METTL9: variants seen among roughly 807,000 people sequenced by gnomAD.
METTL9 encodes methyltransferase 9, His-X-His N1(pi)-histidine.
A neutral mutation model predicts 36.0 loss-of-function variants in METTL9; 10 were observed. That is an observed-to-expected ratio of 0.28 (90% CI 0.17 to 0.47). METTL9 has a LOEUF of 0.47. METTL9 is among the 20% of genes least tolerant of loss of function. The pLI is 0.99. For synonymous variants in METTL9, 175 were observed against 149.7 expected (o/e 1.17, Z -1.23); for missense variants, 246 against 383.5 (o/e 0.64, Z 3.00).
intron 4 of METTL9, among the ~76,000 whole-genome samples, chr16:21,648,031 T>C (rs1178989013): frequency 6.6e-6 from 1 of 152,104 alleles, no homozygotes; most frequent in African/African-American, 2.4e-5. Context: ...ATTGTTTCTT[T>C]GTGAGCCTGG....
At chr16:21,622,345 G>C (rs2152895500) in intron 3 of METTL9, among the ~76,000 whole-genome samples, 1 of 150,572 alleles carries the variant, frequency 6.6e-6, no homozygotes, top group African/African-American at 2.4e-5. Context: ...ATGGGGTCTT[G>C]TTGTGTTGCC....
chr16:21,603,142 CTT>C (rs202168603), intron 1 of METTL9, among the ~76,000 whole-genome samples: 21 of 143,410 alleles, frequency 1.5e-4, no homozygotes, highest in Non-Finnish European at 1.7e-4. Context: ...TAACAAACAG[CTT>C]TTTTTTTTTT....
intron 4 of METTL9, among the ~76,000 whole-genome samples, chr16:21,631,602 AACCATCT>A (rs1302067685): frequency 6.6e-6 from 1 of 152,164 alleles, no homozygotes; most frequent in Non-Finnish European, 1.5e-5. Context: ...GCCCGGGAGG[AACCATCT>A]ATCGTCCTGT....
intron 1 of METTL9, among the ~76,000 whole-genome samples, chr16:21,601,648 T>A (rs1286378236): frequency 6.6e-6 from 1 of 152,110 alleles, no homozygotes; most frequent in Non-Finnish European, 1.5e-5. Context: ...GACTGTACCT[T>A]TTAAAAGCTG....
In METTL9 at chr16:21,625,114, C is replaced by T. The variant is rs373387824; in HGVS notation, c.750C>T (p.Asn250=). The change falls in exon 4 of 5, where the codon AAC becomes AAT. Residue 250 remains asparagine (N), a splice_region_variant and synonymous_variant. Coordinates refer to ENST00000358154, the MANE Select transcript of METTL9 (RefSeq NM_016025.5). The part of the protein sequence containing the change: ...LVLPFHPYVE[N]VGGKWEKPSE... ...TCCCCTTTCATCCCTATGTGGAAAACGGTAAGTGTGGTCAGTCAGGCTAGC... is the reference window on the plus strand; with the variant it reads ...TCCCCTTTCATCCCTATGTGGAAAATGGTAAGTGTGGTCAGTCAGGCTAGC... 5.6e-6 allele frequency: 9 copies of T among 1,613,870 alleles called. No homozygotes were observed. In the African/African-American group the frequency reaches 6.7e-5, roughly 12 times the overall value.
At position 21,650,495 on chromosome 16, in the gene METTL9, G is replaced by A. The variant is rs1477983809; in HGVS notation, c.752-4732G>A. On this transcript the variant is annotated intron_variant, in intron 4 of 4. Transcript: ENST00000358154. ...TGCACTCTAGCCTGGGTGACAGAGT[G>A]AGACTCTTGTCTCAAAAAAAAAAAA... Among the ~76,000 whole-genome samples, 3 of 139,972 alleles carry A rather than the reference G, an allele frequency of 2.1e-5. 1 individual carries two copies. In the Admixed American group the frequency reaches 2.2e-4, roughly 10 times the overall value. The allele number at this position is 139,972 out of a possible 152,430, so 91.8% of individuals were successfully genotyped here.
At chr16:21,648,002 G>T (rs140180840) in intron 4 of METTL9, among the ~76,000 whole-genome samples, 93 of 152,264 alleles carry the variant, frequency 6.1e-4, no homozygotes, top group African/African-American at 1.9e-3. Context: ...AGATCGCCAG[G>T]AATTCATGGC....
chr16:21,641,440 A>T (rs926447978), intron 4 of METTL9: 2 of 597,936 alleles, frequency 3.3e-6, no homozygotes, highest in Non-Finnish European at 5.7e-6. Flanking sequence ...GTTTACCTTT[A>T]TTTTTTTTTA....
At chr16:21,645,792 A>C (rs1218813030) in intron 4 of METTL9, among the ~76,000 whole-genome samples, 1 of 152,236 alleles carries the variant, frequency 6.6e-6, no homozygotes, top group Non-Finnish European at 1.5e-5. Flanking sequence ...GTGTGTTTTC[A>C]TATCAGTAGC....
At chr16:21,628,291 T>C (rs1965858681) in intron 4 of METTL9, among the ~76,000 whole-genome samples, 1 of 152,030 alleles carries the variant, frequency 6.6e-6, no homozygotes, top group Non-Finnish European at 1.5e-5. Context: ...ATTATTGAAA[T>C]TGACCATGAT....
Position 21,599,746 on chromosome 16 carries a change from G to C in METTL9, c.13G>C (p.Ala5Pro), listed in dbSNP as rs1965052814. The change falls in exon 1 of 5, where the codon GCG (alanine) becomes CCG (proline). Residue 5 changes from alanine (A) to proline (P), a missense_variant. Ala to Pro is a conservative substitution (Grantham distance 27). Around this residue, in one of 2 missense-constraint regions of METTL9, gnomAD observed 100 missense variants for 81.4 expected, o/e 1.23. Coordinates refer to ENST00000358154, the MANE Select transcript of METTL9 (RefSeq NM_016025.5). The surrounding 1 kb of genome is among the most constrained non-coding windows in gnomAD (Gnocchi z 4.4). ...GCCGCGGCCCCCGATGAGACTGCTG[G>C]CGGGCTGGCTGTGCCTGAGCCTGGC... Reference protein sequence around the residue: MRLLAGWLCLSLASV... With the variant: MRLLPGWLCLSLASV... 6.6e-6 allele frequency: 10 copies of C among 1,523,406 alleles called. No homozygotes were observed. The highest frequency in any genetic ancestry group is 7.9e-6 in the Non-Finnish European group (9 of 1,143,794). The allele number at this position is 1,523,406 out of a possible 1,614,324, so 94.4% of individuals were successfully genotyped here. A position where few individuals can be genotyped will look rare whatever the true frequency, so the allele number is the denominator to read the frequency against.
At position 21,647,782 on chromosome 16, in the gene METTL9, T is replaced by C. The variant is rs1406844576; in HGVS notation, c.752-7445T>C. Reference sequence around the variant, plus strand: ...GGCCTGCATAGAGGTGGCACCGTATTGGACTCAGAAGTTTGGGGTCCATCT... The same window carrying C: ...GGCCTGCATAGAGGTGGCACCGTATCGGACTCAGAAGTTTGGGGTCCATCT... On this transcript the variant is annotated intron_variant, in intron 4 of 4. Transcript: ENST00000358154. 2.6e-5 allele frequency among the ~76,000 whole-genome samples: 4 copies of C among 152,100 alleles called. No homozygotes were observed. In the East Asian group the frequency reaches 7.7e-4, roughly 29 times the overall value.
At chr16:21,655,187 T>C (rs1248653687) in intron 4 of METTL9, 40 bp from the exon 5 acceptor site, 2 of 1,574,726 alleles carry the variant, frequency 1.3e-6, no homozygotes, top group East Asian at 2.2e-5. Context: ...AAATCACTTG[T>C]TTGTTCAAGA....
intron 2 of METTL9, among the ~76,000 whole-genome samples, chr16:21,617,222 TC>T (rs1388459375): frequency 6.8e-6 from 1 of 147,344 alleles, no homozygotes; most frequent in Non-Finnish European, 1.5e-5. Context: ...ATCGAGACCA[TC>T]CTGGCTAACA....
chr16:21,632,739 A>G (rs1597769655), intron 4 of METTL9, among the ~76,000 whole-genome samples: 1 of 152,034 alleles, frequency 6.6e-6, no homozygotes, highest in Non-Finnish European at 1.5e-5. Context: ...TATTATTTTG[A>G]TAGCCTCTGA....
rs1448446716 is a variant in METTL9 at position 21,621,090 on chromosome 16, C to T, written c.566+3016C>T. ...GCTCAAGTGATCCTCTCACCTCAGCCTCCTCAGTAGCTGGGACTACAGGTG... is the reference window on the plus strand; with the variant it reads ...GCTCAAGTGATCCTCTCACCTCAGCTTCCTCAGTAGCTGGGACTACAGGTG... On this transcript the variant is annotated intron_variant, in intron 3 of 4. Transcript: ENST00000358154. Among the ~76,000 whole-genome samples, 2 of 151,992 alleles carry T rather than the reference C, an allele frequency of 1.3e-5. 1 individual carries two copies. The highest frequency in any genetic ancestry group is 4.1e-4 in the South Asian group (2 of 4,824).
chr16:21,601,813 T>TA (rs1965138499), intron 1 of METTL9, among the ~76,000 whole-genome samples: 1 of 151,906 alleles, frequency 6.6e-6, no homozygotes, highest in Non-Finnish European at 1.5e-5. Flanking sequence ...GAAGACTTAA[T>TA]ATGGTGTTTT....
At chr16:21,640,897 T>C (rs533729416) in intron 4 of METTL9, 1 of 152,292 alleles carries the variant, frequency 6.6e-6, no homozygotes, top group Admixed American at 6.5e-5. Flanking sequence ...TTGTGGCTTA[T>C]TTGTTCTGAA....
chr16:21,636,735 C>T (rs1168995751), intron 4 of METTL9, among the ~76,000 whole-genome samples: 1 of 152,168 alleles, frequency 6.6e-6, no homozygotes, highest in Admixed American at 6.5e-5. Flanking sequence ...GGTTGTTAGC[C>T]CTTTCCCAGA....
Sources: allele counts gnomAD v4.1 joint callset (sites outside exome capture counted in the v4.1 genomes callset), GRCh38; gene constraint gnomAD v4.1.1; regional missense constraint gnomAD v4.1.1; non-coding constraint Gnocchi (gnomAD v3.1); transcripts MANE v1.5; gene names NCBI Gene and HGNC (gene_info 2026-07-23, HGNC 2026-07-21).